The following SYNE1 variants were observed in gnomAD, a reference collection of about 807,000 sequenced individuals.
SYNE1 encodes the protein spectrin repeat containing nuclear envelope protein 1, also known as nesprin-1.
In SYNE1, 616 loss-of-function variants were observed where a neutral mutation model predicts 1,111.0. The ratio of observed to expected loss-of-function variants is 0.55; its 90% CI spans 0.52 to 0.59. The LOEUF (loss-of-function observed/expected upper bound fraction) is 0.59, where lower values mean the gene tolerates loss of function less well. Ranked by LOEUF, SYNE1 falls within the 20% of genes least tolerant of loss-of-function variation. SYNE1 has a pLI of 0.00. For missense variants in SYNE1, 10,006 were observed against 10,417.0 expected, an observed-to-expected ratio of 0.96 and a Z score of 1.72; for synonymous variants, 3,855 against 3,825.8, an observed-to-expected ratio of 1.01 and a Z score of -0.28.
intron 51 of SYNE1, among the ~76,000 whole-genome samples, chr6:152,392,261 G>A (rs751788388): frequency 7.3e-5 from 11 of 151,222 alleles, no homozygotes; most frequent in Non-Finnish European, 1.3e-4. Flanking sequence ...GAGACTAAGT[G>A]CAAAAAAAAA....
intron 100 of SYNE1, among the ~76,000 whole-genome samples, chr6:152,262,511 A>C (rs1216115720): frequency 6.6e-6 from 1 of 152,252 alleles, no homozygotes; most frequent in Non-Finnish European, 1.5e-5. Context: ...TCAAAACCTT[A>C]AAAATGTGTT....
intron 3 of SYNE1, among the ~76,000 whole-genome samples, chr6:152,590,676 A>G (rs1437948695): frequency 6.6e-6 from 1 of 152,062 alleles, no homozygotes; most frequent in African/African-American, 2.4e-5. Flanking sequence ...GTCCCATCTA[A>G]ACTGAGTTAT....
Position 152,189,373 on chromosome 6 carries a change from T to A in SYNE1, c.23180A>T (p.Asp7727Val), listed in dbSNP as rs764385866. Residue 7727 changes from aspartate to valine, a missense_variant, in exon 128 of 146, where the codon GAC becomes GTC. Coordinates refer to ENST00000367255, the MANE Select transcript of SYNE1 (RefSeq NM_182961.4). ...LENAVGSWTD[D>V]LTQLSLLKDT... The stretch of plus-strand genomic sequence containing the variant: ...CTTCAGCAGGCTCAACTGGGTCAAG[T>A]CATCTGTCCAGCTCCCAACTGCATT... The A allele has an allele frequency of 1.2e-6, 2 of 1,614,114 alleles. No homozygotes were observed. The highest frequency in any genetic ancestry group is 1.7e-6 in the Non-Finnish European group (2 of 1,180,002).
intron 92 of SYNE1, 98 bp from the exon 93 acceptor site, chr6:152,300,879 ACGAAGGTTAAAATTACTGGGACC>A: frequency 2.6e-6 from 4 of 1,564,288 alleles, no homozygotes; most frequent in Non-Finnish European, 3.5e-6. Flanking sequence ...TAATTATAAA[ACGAAGGTTAAAATTACTGGGACC>A]CGAATTCACA....
chr6:152,213,583 T>C, intron 123 of SYNE1, 29 bp downstream of exon 123: 1 of 1,613,848 alleles, frequency 6.2e-7, no homozygotes. Context: ...AAATTTCTTA[T>C]TACCCCCAAA....
At chr6:152,260,132 G>C (rs568357643) in intron 101 of SYNE1, among the ~76,000 whole-genome samples, 5 of 152,324 alleles carry the variant, frequency 3.3e-5, no homozygotes, top group Admixed American at 2.6e-4. Flanking sequence ...TTTATGAATG[G>C]AGAATAATAC....
chr6:152,255,128 C>T, intron 103 of SYNE1, 39 bp from the exon 104 acceptor site: 1 of 1,482,804 alleles, frequency 6.7e-7, no homozygotes, highest in Non-Finnish European at 9.2e-7. Flanking sequence ...TGTTTAGATA[C>T]ATGAATTGAT....
chr6:152,356,125 CT>C lies in SYNE1; in HGVS notation c.10609-1150del, dbSNP rs765444264. Among the ~76,000 whole-genome samples, 52 of 151,584 alleles carry C rather than the reference CT, an allele frequency of 3.4e-4. 1 individual carries two copies. The highest frequency in any genetic ancestry group is 3.1e-3 in the East Asian group (16 of 5,170). ...TTGGCAAACTTTTTCTATGAAAGGCCTGATAGTAAATAATTTGGATCTTGTG... is the reference window on the plus strand; with the variant it reads ...TTGGCAAACTTTTTCTATGAAAGGCCGATAGTAAATAATTTGGATCTTGTG... On this transcript the variant is annotated intron_variant, in intron 66 of 145. Coordinates refer to ENST00000367255, the MANE Select transcript of SYNE1 (RefSeq NM_182961.4).
At chr6:152,623,958 T>C (rs1002397961) in intron 3 of SYNE1, among the ~76,000 whole-genome samples, 2 of 152,100 alleles carry the variant, frequency 1.3e-5, no homozygotes, top group Non-Finnish European at 1.5e-5. Flanking sequence ...GTAATGAACT[T>C]ATAAGAAATA....
At chr6:152,537,439 T>A (rs2099248821) in intron 4 of SYNE1, among the ~76,000 whole-genome samples, 1 of 151,970 alleles carries the variant, frequency 6.6e-6, no homozygotes, top group South Asian at 2.1e-4. Flanking sequence ...AAAAGCATAT[T>A]TTTACTTATA....
At chr6:152,539,926 A>G in intron 4 of SYNE1, 34 bp downstream of exon 4, 1 of 1,608,534 alleles carries the variant, frequency 6.2e-7, no homozygotes, top group Non-Finnish European at 8.5e-7. Context: ...GGCTCAACCT[A>G]AGTAAACCTG....
chr6:152,208,253 TGCAGTTAC>T (rs1439561670), intron 124 of SYNE1, 47 bp from the exon 125 acceptor site: 8 of 1,550,234 alleles, frequency 5.2e-6, no homozygotes, highest in Non-Finnish European at 6.2e-6. Flanking sequence ...TTATCTTGGA[TGCAGTTAC>T]GCAATCAGCC....
chr6:152,310,954 C>T, intron 87 of SYNE1, 81 bp from the exon 88 acceptor site: 12 of 1,447,662 alleles, frequency 8.3e-6, no homozygotes, highest in Non-Finnish European at 1.1e-5. Context: ...GCATAAAATG[C>T]CCTGTGTAAG....
At chr6:152,201,102 G>A (rs918503497) in intron 127 of SYNE1, among the ~76,000 whole-genome samples, 2 of 152,134 alleles carry the variant, frequency 1.3e-5, no homozygotes, top group Non-Finnish European at 1.5e-5. Flanking sequence ...TGTTTAATTT[G>A]AAAGAAAAAC....
intron 12 of SYNE1, among the ~76,000 whole-genome samples, chr6:152,487,614 TG>T (rs2098947726): frequency 6.6e-6 from 1 of 152,228 alleles, no homozygotes; most frequent in African/African-American, 2.4e-5. Context: ...TCAACTTGAA[TG>T]CAATGGTGTT....
chr6:152,262,981 G>A (rs1433162358), intron 100 of SYNE1, among the ~76,000 whole-genome samples: 1 of 144,214 alleles, frequency 6.9e-6, no homozygotes. Context: ...ACATGGAGGG[G>A]TAATACAGGG....
At chr6:152,519,379 C>T (rs148569627) in intron 6 of SYNE1, among the ~76,000 whole-genome samples, 29 of 152,056 alleles carry the variant, frequency 1.9e-4, no homozygotes, top group African/African-American at 7.0e-4. Flanking sequence ...AAATAAAAAT[C>T]TGCTTGAAAA....
At chr6:152,162,826 G>T (rs1440410413) in intron 131 of SYNE1, among the ~76,000 whole-genome samples, 2 of 151,900 alleles carry the variant, frequency 1.3e-5, no homozygotes, top group East Asian at 3.9e-4. Context: ...ATGAAAATAT[G>T]CATTGAAGCA....
In SYNE1 at chr6:152,381,279, A is replaced by G; in HGVS notation, c.8736T>C (p.Thr2912=). 1 of 1,614,066 alleles carries G rather than the reference A, an allele frequency of 6.2e-7. No individual in the cohort carries two copies. Among genetic ancestry groups the G allele is most frequent in the Non-Finnish European group, 8.5e-7 (1 of 1,179,980 alleles). Residue 2912 remains threonine (T), a synonymous_variant, in exon 56 of 146, where the codon ACT becomes ACC. Coordinates refer to ENST00000367255, the MANE Select transcript of SYNE1 (RefSeq NM_182961.4). The part of the protein sequence containing the change: ...SLAPEVKQNT[T]ASGCELMHTE... ...TGTGCATGAGCTCACACCCACTGGC[A>G]GTTGTGTTCTGTTTCACTTCGGGAG... is the stretch of plus-strand genomic sequence containing the variant.
Sources: allele counts gnomAD v4.1 joint callset (sites outside exome capture counted in the v4.1 genomes callset), GRCh38; gene constraint gnomAD v4.1.1; transcripts MANE v1.5; gene names NCBI Gene and HGNC (gene_info 2026-07-23, HGNC 2026-07-21).